The following BCL7C variants were observed in gnomAD, a reference collection of about 807,000 sequenced individuals.
BCL7C encodes BAF chromatin remodeling complex subunit BCL7C.
BCL7C carries 8 observed loss-of-function variants against 26.2 expected under a neutral mutation model. The observed-to-expected ratio is 0.30, with a 90% confidence interval of 0.18 to 0.55. The LOEUF (loss-of-function observed/expected upper bound fraction) is 0.55. Among genes scored for constraint, BCL7C ranks in the 20% least tolerant of loss-of-function variants. The pLI, the probability that BCL7C is intolerant of heterozygous loss-of-function variation, is 0.93. For missense variants in BCL7C, 262 were observed against 298.5 expected, an observed-to-expected ratio of 0.88 and a Z score of 0.90; for synonymous variants, 90 against 116.5, an observed-to-expected ratio of 0.77 and a Z score of 1.47.
downstream of BCL7C, among the ~76,000 whole-genome samples, chr16:30,886,614 C>T (rs1368377568): frequency 2.6e-5 from 4 of 152,144 alleles, no homozygotes; most frequent in Non-Finnish European, 5.9e-5. Context: ...GACACACAAA[C>T]CACGGATCCC....
chr16:30,878,364 A>T (rs954337478), intron 5 of BCL7C, among the ~76,000 whole-genome samples: 1 of 148,160 alleles, frequency 6.7e-6, no homozygotes, highest in Non-Finnish European at 1.5e-5. Context: ...CCCCGTCTCT[A>T]CTAAAAATAA....
chr16:30,860,230 G>T (rs558044080), intron 5 of BCL7C, among the ~76,000 whole-genome samples: 1 of 152,140 alleles, frequency 6.6e-6, no homozygotes, highest in Non-Finnish European at 1.5e-5. Flanking sequence ...TAATCATTGC[G>T]GGGACACCTG....
intron 5 of BCL7C, among the ~76,000 whole-genome samples, chr16:30,875,048 T>C (rs1338803868): frequency 6.6e-6 from 1 of 152,174 alleles, no homozygotes. Flanking sequence ...GCCTCATCTT[T>C]CCTGACTGCA....
chr16:30,838,761 G>T (rs1011256333), intron 5 of BCL7C, among the ~76,000 whole-genome samples: 4 of 152,132 alleles, frequency 2.6e-5, no homozygotes, highest in African/African-American at 9.7e-5. Flanking sequence ...CTCCAGCCTG[G>T]GTGACAGAGC....
At chr16:30,869,230 A>G (rs1305306783) in intron 5 of BCL7C, among the ~76,000 whole-genome samples, 1 of 152,038 alleles carries the variant, frequency 6.6e-6, no homozygotes, top group Non-Finnish European at 1.5e-5. Flanking sequence ...GTTTTTTGCG[A>G]CAGGGTCTCA....
chr16:30,877,906 G>T (rs2054974923), intron 5 of BCL7C, among the ~76,000 whole-genome samples: 1 of 151,590 alleles, frequency 6.6e-6, no homozygotes, highest in Non-Finnish European at 1.5e-5. Flanking sequence ...CGGGCGCAGT[G>T]GCTGATGCCT....
Position 30,838,603 on chromosome 16 carries a change from C to T in BCL7C, c.529-3455G>A, listed in dbSNP as rs144313066. On this transcript the variant is annotated intron_variant, in intron 5 of 5. Transcript: ENST00000380317. ...TTTGAGACCACCCTGGCCAACATGGCGATACCCTGTCTCTACTAAAAAAAA... is the reference window on the plus strand; with the variant it reads ...TTTGAGACCACCCTGGCCAACATGGTGATACCCTGTCTCTACTAAAAAAAA... Among the ~76,000 whole-genome samples, 463 of 152,200 alleles carry T rather than the reference C, an allele frequency of 3.0e-3. 6 individuals carry two copies. The South Asian group carries it at 0.032, about 11-fold the overall frequency.
intron 4 of BCL7C, 71 bp downstream of exon 4, chr16:30,892,515 G>A (rs2055263196): frequency 6.8e-7 from 1 of 1,471,402 alleles, no homozygotes; most frequent in East Asian, 2.3e-5. Flanking sequence ...GTATAGGGAT[G>A]AGCTGGTAGG....
chr16:30,851,072 C>T (rs1403730791), intron 5 of BCL7C, among the ~76,000 whole-genome samples: 3 of 152,100 alleles, frequency 2.0e-5, no homozygotes, highest in East Asian at 1.9e-4. Flanking sequence ...ATTCCTGTAG[C>T]GTAAAAATCT....
intron 5 of BCL7C, among the ~76,000 whole-genome samples, chr16:30,869,555 A>G (rs2054865216): frequency 1.4e-5 from 2 of 145,432 alleles, no homozygotes; most frequent in Admixed American, 7.1e-5. Context: ...TCTGTTGCCC[A>G]GGCTGGAGTG....
chr16:30,877,664 C>T (rs1041565405), intron 5 of BCL7C, among the ~76,000 whole-genome samples: 4 of 151,626 alleles, frequency 2.6e-5, no homozygotes, highest in African/African-American at 9.7e-5. Flanking sequence ...TGGTCTCGAT[C>T]TCCTGACCTC....
intron 5 of BCL7C, among the ~76,000 whole-genome samples, chr16:30,850,944 T>C (rs1328098947): frequency 6.6e-6 from 1 of 152,250 alleles, no homozygotes; most frequent in Admixed American, 6.5e-5. Context: ...GCAAATGTAA[T>C]TGCGGTTTCG....
At chr16:30,853,752 C>G (rs529241887) in intron 5 of BCL7C, among the ~76,000 whole-genome samples, 1 of 152,276 alleles carries the variant, frequency 6.6e-6, no homozygotes, top group South Asian at 2.1e-4. Flanking sequence ...CTTGCCTCTT[C>G]TTCAGCTATG....
At chr16:30,840,563 C>T (rs2054595899) in intron 5 of BCL7C, 1 of 152,234 alleles carries the variant, frequency 6.6e-6, no homozygotes, top group Non-Finnish European at 1.5e-5. Context: ...AGGTCTAGTA[C>T]TACCTGTGAC....
At chr16:30,871,111 G>A (rs1489455640) in intron 5 of BCL7C, among the ~76,000 whole-genome samples, 1 of 152,198 alleles carries the variant, frequency 6.6e-6, no homozygotes, top group East Asian at 1.9e-4. Flanking sequence ...AAGGTGTCCT[G>A]AGTGGGAGAT....
At position 30,880,329 on chromosome 16, in the gene BCL7C, C is replaced by CA. The variant is rs1191947086; in HGVS notation, c.528+8530dup. On this transcript the variant is annotated intron_variant, in intron 5 of 5. Transcript: ENST00000380317. The stretch of plus-strand genomic sequence containing the variant: ...TGAGACCCCGTCTCTGCAAAAAATA[C>CA]AAAAAAAAATTAGTGAGCTGTGAAC... 6.0e-5 allele frequency among the ~76,000 whole-genome samples: 9 copies of CA among 149,922 alleles called. No homozygotes were observed. The East Asian group carries it at 9.8e-4, about 16-fold the overall frequency.
intron 5 of BCL7C, chr16:30,840,785 T>G (rs1445081826): frequency 2.0e-5 from 3 of 152,046 alleles, no homozygotes; most frequent in Admixed American, 6.6e-5. Context: ...GTGGGAATAA[T>G]AAGAAGTGCT....
At chr16:30,859,422 A>G (rs772427071) in intron 5 of BCL7C, among the ~76,000 whole-genome samples, 1 of 152,226 alleles carries the variant, frequency 6.6e-6, no homozygotes, top group Non-Finnish European at 1.5e-5. Context: ...GTTCAAGACC[A>G]GCCTGGGCAA....
In BCL7C at chr16:30,887,924, C is replaced by T. The variant is rs749238651; in HGVS notation, c.595G>A (p.Glu199Lys). ...PVPEAAQGDT[E>K]DSEGAPPLKR... Reference sequence around the variant, plus strand: ...AGTGGGGGGGCACCCTCCGAGTCCTCTGTGTCACCCTGGGCTGCCTCAGGG... The same window carrying T: ...AGTGGGGGGGCACCCTCCGAGTCCTTTGTGTCACCCTGGGCTGCCTCAGGG... Residue 199 changes from glutamate to lysine, a missense_variant, in exon 6 of 6, where the codon GAG becomes AAG. Glu to Lys is a moderately conservative substitution (Grantham distance 56). Coordinates refer to ENST00000215115, the MANE Select transcript of BCL7C (RefSeq NM_004765.4). 1.9e-6 allele frequency: 3 copies of T among 1,605,586 alleles called. No individual in the cohort carries two copies. Among genetic ancestry groups the T allele is most frequent in the Non-Finnish European group, 2.6e-6 (3 of 1,176,462 alleles).
Sources: allele counts gnomAD v4.1 joint callset (sites outside exome capture counted in the v4.1 genomes callset), GRCh38; gene constraint gnomAD v4.1.1; transcripts MANE v1.5; gene names NCBI Gene and HGNC (gene_info 2026-07-23, HGNC 2026-07-21).